MTMR10: variants seen among roughly 807,000 people sequenced by gnomAD.
MTMR10 encodes the protein myotubularin-related protein 10.
In MTMR10, 56 loss-of-function variants were observed where a neutral mutation model predicts 88.1. That is an observed-to-expected ratio of 0.64 (90% confidence interval 0.51 to 0.79). MTMR10 has a LOEUF of 0.79. Ranked by LOEUF, MTMR10 falls within the 30% of genes least tolerant of loss-of-function variation. MTMR10 has a pLI of 0.00. For synonymous variants in MTMR10, 380 were observed against 340.9 expected (o/e 1.11, Z -1.26); for missense variants, 883 against 924.7 (o/e 0.95, Z 0.58).
chr15:30,981,977 A>T (rs1313429894), intron 2 of MTMR10, among the ~76,000 whole-genome samples: 5 of 152,006 alleles, frequency 3.3e-5, no homozygotes, highest in Non-Finnish European at 7.4e-5. Context: ...AGGCTGAGGC[A>T]GGAGAATCGC....
At chr15:30,949,979 CA>C (rs1479115128) in intron 12 of MTMR10, 1 of 152,000 alleles carries the variant, frequency 6.6e-6, no homozygotes, top group African/African-American at 2.4e-5. Flanking sequence ...GAAAAATTTC[CA>C]AAACTAGACT....
In MTMR10 at chr15:30,943,238, T is replaced by C. The variant is rs28622290; in HGVS notation, c.1549-166A>G. The C allele has an allele frequency of 9.5e-5, 131 of 1,374,146 alleles. No homozygotes were observed. In the African/African-American group the frequency reaches 1.8e-3, roughly 19 times the overall value. 85.1% of individuals were successfully genotyped at this position (1,374,146 alleles called of 1,614,324 possible). On this transcript the variant is annotated intron_variant, in intron 14 of 15. Coordinates refer to ENST00000435680, the MANE Select transcript of MTMR10 (RefSeq NM_017762.3). ...CAAGAGAGGAGACGCTCCTGGCCTT[T>C]GAGCTCAGAGGGCCCCACAGTCCCC...
intron 2 of MTMR10, among the ~76,000 whole-genome samples, chr15:30,983,650 CTT>C (rs933813153): frequency 6.6e-6 from 1 of 152,156 alleles, no homozygotes; most frequent in Admixed American, 6.5e-5. Context: ...CATAACTTAA[CTT>C]GGGCTTTTAA....
chr15:30,919,582 G>A, the MTMR10 span, among the ~76,000 whole-genome samples: 3 of 151,444 alleles, frequency 2.0e-5, no homozygotes, highest in Non-Finnish European at 4.4e-5. Context: ...TCCCAGCCTC[G>A]GAAGGCTGAG....
chr15:30,938,881 G>A (rs1370443243), downstream of MTMR10: 1 of 970,296 alleles, frequency 1.0e-6, no homozygotes, highest in Non-Finnish European at 1.2e-6. Context: ...AGGAGAAGAT[G>A]CCTTCACCTC....
At position 30,939,308 on chromosome 15, in the gene MTMR10, G is replaced by A. The variant is rs1175608275; in HGVS notation, c.*2162C>T. ...TTTCACCCAGTGCATCAGCATCTGTGCGGCATTCCCTCAGCACGGGCTCTG... is the reference window on the plus strand; with the variant it reads ...TTTCACCCAGTGCATCAGCATCTGTACGGCATTCCCTCAGCACGGGCTCTG... On this transcript the variant is annotated 3_prime_UTR_variant, in exon 16 of 16. Coordinates refer to ENST00000435680, the MANE Select transcript of MTMR10 (RefSeq NM_017762.3). 1.0e-6 allele frequency: 1 copy of A among 985,328 alleles called. No individual in the cohort carries two copies. The highest frequency in any genetic ancestry group is 1.7e-5 in the African/African-American group (1 of 57,232). 61.0% of individuals were successfully genotyped at this position (985,328 alleles called of 1,614,324 possible).
At chr15:30,925,368 C>T in the MTMR10 span, 1 of 1,349,778 alleles carries the variant, frequency 7.4e-7, no homozygotes, top group African/African-American at 1.5e-5. Context: ...ATCCTAAGAG[C>T]TGTTTTGAGT....
chr15:30,991,301 C>T, intron 1 of MTMR10, 146 bp downstream of exon 1: 1 of 800,120 alleles, frequency 1.2e-6, no homozygotes, highest in East Asian at 3.2e-5. Flanking sequence ...AGGCGCATTT[C>T]GCGGCGCCGG....
chr15:30,970,897 T>C (rs1226989621), intron 5 of MTMR10, among the ~76,000 whole-genome samples: 3 of 152,146 alleles, frequency 2.0e-5, no homozygotes, highest in African/African-American at 7.2e-5. Flanking sequence ...TACTCGTTGA[T>C]TTTTTTGGGG....
At chr15:30,937,139 C>T (rs572533703), downstream of MTMR10, 10 of 1,613,170 alleles carry the variant, frequency 6.2e-6, no homozygotes, top group East Asian at 1.6e-4. Context: ...TTAAAGGCCC[C>T]AATGATCGTC....
At chr15:30,925,737 AG>A in the MTMR10 span, 17 of 1,602,834 alleles carry the variant, frequency 1.1e-5, no homozygotes, top group South Asian at 1.8e-4. Flanking sequence ...GCAGGTTTTC[AG>A]GGACTTTTGC....
intron 2 of MTMR10, among the ~76,000 whole-genome samples, chr15:30,986,138 T>C (rs1242027307): frequency 6.6e-6 from 1 of 151,862 alleles, no homozygotes; most frequent in African/African-American, 2.4e-5. Flanking sequence ...GCAATATAGT[T>C]GGACCCCATC....
intron 2 of MTMR10, among the ~76,000 whole-genome samples, chr15:30,986,221 C>T (rs2030930777): frequency 6.6e-6 from 1 of 151,944 alleles, no homozygotes; most frequent in Non-Finnish European, 1.5e-5. Flanking sequence ...GGAGGCTGAG[C>T]TGTGAGGATC....
At chr15:30,954,283 A>T (rs1434531056) in intron 10 of MTMR10, among the ~76,000 whole-genome samples, 1 of 152,174 alleles carries the variant, frequency 6.6e-6, no homozygotes, top group Non-Finnish European at 1.5e-5. Flanking sequence ...GAGGACCCAC[A>T]TTACACCAAA....
chr15:30,929,728 T>C, the MTMR10 span, among the ~76,000 whole-genome samples: 4 of 42,618 alleles, frequency 9.4e-5, 1 homozygote, highest in African/African-American at 4.3e-4. Flanking sequence ...ATATATAAAA[T>C]ATATAATATA....
At position 30,974,185 on chromosome 15, in the gene MTMR10, C is replaced by T. The variant is rs1157292073; in HGVS notation, c.474+129G>A. ...ATTAATATTCTTGGCTTTGACTTTA[C>T]TTAAGAAGATGTCTGATAACTTCCC... On this transcript the variant is annotated intron_variant, in intron 5 of 15. Transcript: ENST00000435680. 4 of 909,274 alleles carry T rather than the reference C, an allele frequency of 4.4e-6. No homozygotes were observed. In the South Asian group the frequency reaches 1.5e-4, roughly 34 times the overall value. The allele number at this position is 909,274 out of a possible 1,614,324, so 56.3% of individuals were successfully genotyped here.
At chr15:30,943,856 G>A (rs1246372286) in intron 14 of MTMR10, 1 of 985,446 alleles carries the variant, frequency 1.0e-6, no homozygotes, top group Non-Finnish European at 1.2e-6. Context: ...ATTTAGCAAT[G>A]TGGAGAAAGG....
At chr15:30,929,306 G>C in the MTMR10 span, 1 of 1,612,826 alleles carries the variant, frequency 6.2e-7, no homozygotes, top group Non-Finnish European at 8.5e-7. Context: ...GAGAGCCTGC[G>C]GGCCTGGGTG....
intron 2 of MTMR10, among the ~76,000 whole-genome samples, chr15:30,984,981 T>A (rs1247780715): frequency 6.6e-6 from 1 of 152,196 alleles, no homozygotes; most frequent in Non-Finnish European, 1.5e-5. Flanking sequence ...TGAAACTGTC[T>A]AAGAACAGGA....
Sources: gnomAD v4.1 joint callset for allele counts (sites outside exome capture counted in the v4.1 genomes callset) on GRCh38, gnomAD v4.1.1 for gene constraint, MANE v1.5 for transcripts, NCBI Gene and HGNC (gene_info 2026-07-23, HGNC 2026-07-21) for gene names.